Variants in TNPO2 observed in about 807,000 individuals in gnomAD.
TNPO2 encodes transportin 2.
TNPO2 carries 16 observed loss-of-function variants against 111.1 expected under a neutral mutation model. The observed-to-expected ratio is 0.14, with a 90% CI of 0.10 to 0.22. The LOEUF (loss-of-function observed/expected upper bound fraction) is 0.22, where lower values mean the gene tolerates loss of function less well. Ranked by LOEUF, TNPO2 falls within the 10% of genes least tolerant of loss-of-function variation. TNPO2 has a pLI of 1.00. For missense variants in TNPO2, 530 were observed against 1,173.7 expected (o/e 0.45, Z 8.01); for synonymous variants, 481 against 475.8 (o/e 1.01, Z -0.14).
intron 12 of TNPO2, 74 bp from the exon 13 acceptor site, chr19:12,710,847 C>T: frequency 1.5e-6 from 2 of 1,371,632 alleles, no homozygotes; most frequent in Non-Finnish European, 2.0e-6. Flanking sequence ...TGACTGCACT[C>T]CCAGGATCAG....
chr19:12,704,215 T>C (rs2025491461), intron 18 of TNPO2, among the ~76,000 whole-genome samples: 1 of 151,898 alleles, frequency 6.6e-6, no homozygotes, highest in Non-Finnish European at 1.5e-5. Flanking sequence ...AAAAATACAA[T>C]AAAATTAGCC....
In TNPO2 at chr19:12,706,333, C is replaced by A; in HGVS notation, c.1531G>T (p.Glu511Ter). 6.2e-7 allele frequency: 1 copy of A among 1,614,040 alleles called. No individual in the cohort carries two copies. Among genetic ancestry groups the A allele is most frequent in the Non-Finnish European group, 8.5e-7 (1 of 1,179,952 alleles). Reference sequence around the variant, plus strand: ...ATGTAGCTGAGGTAGGGCACCAGCTCCGTGCAGGCCTCTTCCTCCAGGGTG... The same window carrying A: ...ATGTAGCTGAGGTAGGGCACCAGCTACGTGCAGGCCTCTTCCTCCAGGGTG... ...FATLEEEACTELVPYLSYILD... is the reference protein window; with the variant it reads ...FATLEEEACT The change falls in exon 15 of 26, where the codon GAG (glutamate) becomes TAG (stop). Residue 511 changes from glutamate (E) to a stop codon, truncating the protein, a stop_gained. Coordinates refer to ENST00000425528, the MANE Select transcript of TNPO2 (RefSeq NM_001382241.1). LOFTEE classifies it high-confidence loss of function. The surrounding 1 kb of genome is among the most constrained non-coding windows in gnomAD (Gnocchi z 7.0).
rs1461647750 is a variant in TNPO2 at position 12,703,763 on chromosome 19, G to C, written c.2061C>G (p.Leu687=). Reference sequence around the variant, plus strand: ...AGCAGGCTTTGGTGAGGTCTCCCAGGAGGGCAAAGGAGCTCTGCCGGACCT... The same window carrying C: ...AGCAGGCTTTGGTGAGGTCTCCCAGCAGGGCAAAGGAGCTCTGCCGGACCT... The part of the protein sequence containing the change: ...MPEVRQSSFA[L]LGDLTKACFI... The change falls in exon 19 of 26, where the codon CTC becomes CTG. Residue 687 remains leucine (L), a synonymous_variant. Coordinates refer to ENST00000425528, the MANE Select transcript of TNPO2 (RefSeq NM_001382241.1). 6.2e-7 allele frequency: 1 copy of C among 1,604,362 alleles called. No homozygotes were observed. The highest frequency in any genetic ancestry group is 2.2e-5 in the East Asian group (1 of 44,462).
Position 12,711,438 on chromosome 19 carries a change from A to G in TNPO2, c.975T>C (p.Ala325=). 6.2e-7 allele frequency: 1 copy of G among 1,613,990 alleles called. No individual in the cohort carries two copies. Among genetic ancestry groups the G allele is most frequent in the African/African-American group, 1.3e-5 (1 of 75,046 alleles). The change falls in exon 12 of 26, where the codon GCT becomes GCC. Residue 325 remains alanine, a synonymous_variant. Transcript: ENST00000425528. ...TGATGTCCTGCTCACTGTCGGGGACAGCCTCATCCTCCTCCACATCCCCCT... is the reference window on the plus strand; with the variant it reads ...TGATGTCCTGCTCACTGTCGGGGACGGCCTCATCCTCCTCCACATCCCCCT... ...LLKGDVEEDE[A]VPDSEQDIKP...
rs1050970337 is a variant in TNPO2, at chr19:12,701,762, C to T, written c.2501G>A (p.Gly834Asp). Residue 834 changes from glycine to aspartate, a missense_variant, in exon 23 of 26, where the codon GGC (glycine) becomes GAC (aspartate). This residue lies in a region of TNPO2 where 103 missense variants were observed against 156.7 expected (regional missense o/e 0.66). Transcript: ENST00000425528. The surrounding 1 kb of genome is among the most constrained non-coding windows in gnomAD (Gnocchi z 5.0). ...CCCAGCTGCCCCAACCTGCACAACG[C>T]CCCCCGGGTTGACACCGATCATCAT... ...ICMMIGVNPG[G>D]VVQDFIFFCD... The T allele has an allele frequency of 1.2e-6, 2 of 1,613,368 alleles. No individual in the cohort carries two copies. Among genetic ancestry groups the T allele is most frequent in the African/African-American group, 2.7e-5 (2 of 74,896 alleles).
intron 13 of TNPO2, among the ~76,000 whole-genome samples, chr19:12,707,661 A>G (rs10410839): frequency 0.14 from 20,513 of 149,528 alleles, 4,188 homozygotes; most frequent in African/African-American, 0.45. Context: ...ACTAATTTTT[A>G]TATTTTTAGT....
At chr19:12,718,066 G>A (rs1022681390) in intron 5 of TNPO2, among the ~76,000 whole-genome samples, 2 of 148,288 alleles carry the variant, frequency 1.3e-5, no homozygotes, top group Admixed American at 6.7e-5. Context: ...GTGTAGTGCC[G>A]CAATCTCGGC....
rs867005873 is a variant in TNPO2 at position 12,705,747 on chromosome 19, G to A, written c.1690C>T (p.Pro564Ser). 1.4e-6 allele frequency: 2 copies of A among 1,469,008 alleles called. No individual in the cohort carries two copies. The highest frequency in any genetic ancestry group is 1.4e-5 in the South Asian group (1 of 70,132). The allele number at this position is 1,469,008 out of a possible 1,614,324, so 91.0% of individuals were successfully genotyped here. A position where few individuals can be genotyped will look rare whatever the true frequency, so the allele number is the denominator to read the frequency against. Residue 564 changes from proline (P) to serine (S), a missense_variant, in exon 16 of 26, where the codon CCC (proline) becomes TCC (serine). This residue lies in a region of TNPO2 where 183 missense variants were observed against 481.0 expected (regional missense o/e 0.38). Coordinates refer to ENST00000425528, the MANE Select transcript of TNPO2 (RefSeq NM_001382241.1). The surrounding 1 kb of genome is among the most constrained non-coding windows in gnomAD (Gnocchi z 7.2). Reference protein sequence around the residue: ...NQPEYIQKLMPPLIQKWNELK... With the variant: ...NQPEYIQKLMSPLIQKWNELK... The stretch of plus-strand genomic sequence containing the variant: ...TCATTCCACTTCTGGATCAGTGGGG[G>A]CATCAGCTTCTGGATGTATTCCTGG...
At position 12,713,323 on chromosome 19, in the gene TNPO2, G is replaced by A. The variant is rs148147400; in HGVS notation, c.890+1498C>T. 3.3e-4 allele frequency among the ~76,000 whole-genome samples: 50 copies of A among 152,050 alleles called. No individual in the cohort carries two copies. The East Asian group carries it at 5.0e-3, about 15-fold the overall frequency. Reference sequence around the variant, plus strand: ...TAGGTCTCATCACTCCCCAGGAGCCGTCTGCCCAGCCCTAGACTGTTATCA... The same window carrying A: ...TAGGTCTCATCACTCCCCAGGAGCCATCTGCCCAGCCCTAGACTGTTATCA... On this transcript the variant is annotated intron_variant, in intron 10 of 25. Transcript: ENST00000425528.
intron 13 of TNPO2, among the ~76,000 whole-genome samples, chr19:12,710,172 C>T (rs111747829): frequency 2.0e-5 from 3 of 152,102 alleles, no homozygotes; most frequent in Non-Finnish European, 4.4e-5. Flanking sequence ...CAGGCCAGCC[C>T]GGCAGCCAGG....
chr19:12,708,227 G>A (rs988849997), intron 13 of TNPO2, among the ~76,000 whole-genome samples: 3 of 152,060 alleles, frequency 2.0e-5, no homozygotes, highest in Admixed American at 6.5e-5. Flanking sequence ...CTGCCTCCCA[G>A]GTTCAAGTGA....
chr19:12,702,334 T>C lies in TNPO2; in HGVS notation c.2306-157A>G. On this transcript the variant is annotated intron_variant, in intron 21 of 25. Coordinates refer to ENST00000425528, the MANE Select transcript of TNPO2 (RefSeq NM_001382241.1). The surrounding 1 kb of genome is among the most constrained non-coding windows in gnomAD (Gnocchi z 5.5). ...GTCCTCCTCATCACACCTGAGTCAC[T>C]TCCCAGGTCTCTCTGCATCTATCTT... is the stretch of plus-strand genomic sequence containing the variant. 1.4e-6 allele frequency: 1 copy of C among 694,114 alleles called. No individual in the cohort carries two copies. The highest frequency in any genetic ancestry group is 2.6e-6 in the Non-Finnish European group (1 of 382,004). The allele number at this position is 694,114 out of a possible 1,614,324, so 43.0% of individuals were successfully genotyped here. A position where few individuals can be genotyped will look rare whatever the true frequency, so the allele number is the denominator to read the frequency against.
intron 1 of TNPO2, 176 bp from the exon 2 acceptor site, chr19:12,723,541 G>C (rs922230321): frequency 6.6e-6 from 1 of 152,244 alleles, no homozygotes; most frequent in Non-Finnish European, 1.5e-5. Flanking sequence ...AGTTAAGCAT[G>C]ACCTGGCCAG....
At chr19:12,710,340 C>A (rs1317241777) in intron 13 of TNPO2, among the ~76,000 whole-genome samples, 1 of 152,182 alleles carries the variant, frequency 6.6e-6, no homozygotes, top group Non-Finnish European at 1.5e-5. Context: ...GTGCACGAGG[C>A]AAGCATGCAG....
At chr19:12,703,308 A>ATGG (rs1469195630) in intron 20 of TNPO2, 120 bp downstream of exon 20, 7 of 839,484 alleles carry the variant, frequency 8.3e-6, no homozygotes, top group Non-Finnish European at 1.3e-5. Context: ...GCTTGGCTCC[A>ATGG]CCCCTGACGA....
rs748647034 is a variant in TNPO2 at position 12,701,338 on chromosome 19, A to G, written c.*8T>C. Reference sequence around the variant, plus strand: ...GCAGTCTCCTTACCTGGCAGTCTCCATGATCACCTAGACCCCATAGAAAGC... The same window carrying G: ...GCAGTCTCCTTACCTGGCAGTCTCCGTGATCACCTAGACCCCATAGAAAGC... On this transcript the variant is annotated 3_prime_UTR_variant, in exon 25 of 26. Coordinates refer to ENST00000425528, the MANE Select transcript of TNPO2 (RefSeq NM_001382241.1). This position sits in a 1 kb window ranked among gnomAD's most constrained non-coding sequence, Gnocchi z 5.0. The G allele has an allele frequency of 1.2e-6, 2 of 1,610,432 alleles. No individual in the cohort carries two copies. The highest frequency in any genetic ancestry group is 2.2e-5 in the East Asian group (1 of 44,798).
In TNPO2 at chr19:12,701,231, C is replaced by T. The variant is rs1016608790; in HGVS notation, c.*33G>A. 8 of 823,120 alleles carry T rather than the reference C, an allele frequency of 9.7e-6. No homozygotes were observed. Among genetic ancestry groups the T allele is most frequent in the East Asian group, 5.2e-5 (2 of 38,756 alleles). The allele number at this position is 823,120 out of a possible 1,614,324, so 51.0% of individuals were successfully genotyped here. A position where few individuals can be genotyped will look rare whatever the true frequency, so the allele number is the denominator to read the frequency against. On this transcript the variant is annotated 3_prime_UTR_variant, in exon 26 of 26. Transcript: ENST00000425528. This position sits in a 1 kb window ranked among gnomAD's most constrained non-coding sequence, Gnocchi z 5.0. ...TCCCCAGTAATCCCTCCGACGACGACGCAGACAGAAACCTGCAGGGGGAGG... is the reference window on the plus strand; with the variant it reads ...TCCCCAGTAATCCCTCCGACGACGATGCAGACAGAAACCTGCAGGGGGAGG...
intron 3 of TNPO2, 98 bp downstream of exon 3, chr19:12,720,780 TG>T: frequency 1.4e-6 from 2 of 1,422,868 alleles, no homozygotes; most frequent in Non-Finnish European, 9.3e-7. Flanking sequence ...AGAAAAAATC[TG>T]GGGACTAGGG....
At position 12,714,910 on chromosome 19, in the gene TNPO2, A is replaced by G. The variant is rs952150818; in HGVS notation, c.801T>C (p.Asp267=). Residue 267 remains aspartate, a synonymous_variant, in exon 10 of 26, where the codon GAT becomes GAC. Coordinates refer to ENST00000425528, the MANE Select transcript of TNPO2 (RefSeq NM_001382241.1). ...QYMLQRTQDH[D]ENVALEACEF... is the part of the protein sequence containing the mutation. ...CACAGGCCTCAAGGGCAACGTTCTC[A>G]TCATGGTCCTGGGTCCTCTGCAGCA... is the stretch of plus-strand genomic sequence containing the variant. 5 of 1,601,510 alleles carry G rather than the reference A, an allele frequency of 3.1e-6. No individual in the cohort carries two copies. In the African/African-American group the frequency reaches 6.7e-5, roughly 21 times the overall value.
Sources: allele counts gnomAD v4.1 joint callset (sites outside exome capture counted in the v4.1 genomes callset), GRCh38; gene constraint gnomAD v4.1.1; regional missense constraint gnomAD v4.1.1; non-coding constraint Gnocchi (gnomAD v3.1); transcripts MANE v1.5; gene names NCBI Gene and HGNC (gene_info 2026-07-23, HGNC 2026-07-21).